The following CTIF variants were observed in gnomAD, a reference collection of about 807,000 sequenced individuals.
CTIF encodes cap binding complex dependent translation initiation factor.
A neutral mutation model predicts 66.0 loss-of-function variants in CTIF; 21 were observed. The ratio of observed to expected loss-of-function variants is 0.32; its 90% confidence interval spans 0.23 to 0.46. The LOEUF (loss-of-function observed/expected upper bound fraction) is 0.46. Among genes scored for constraint, CTIF ranks in the 20% least tolerant of loss-of-function variants. The probability of loss-of-function intolerance (pLI) is 1.00; values close to 1 mark genes in which losing one functional copy is unlikely to be tolerated. For synonymous variants in CTIF, 345 were observed against 326.4 expected (o/e 1.06, Z -0.62); for missense variants, 739 against 812.7 (o/e 0.91, Z 1.10).
intron 7 of CTIF, among the ~76,000 whole-genome samples, chr18:48,753,484 T>C (rs1238583872): frequency 1.3e-5 from 2 of 152,170 alleles, no homozygotes; most frequent in Non-Finnish European, 2.9e-5. Flanking sequence ...TTTTTGTCTT[T>C]TTGTATAAAA....
chr18:48,554,859 C>T (rs797012308), intron 1 of CTIF, among the ~76,000 whole-genome samples: 4 of 152,370 alleles, frequency 2.6e-5, no homozygotes, highest in African/African-American at 9.6e-5. Flanking sequence ...GCAGCCCAGG[C>T]CATTACTTGG....
At chr18:48,824,446 G>C (rs1188286236) in intron 10 of CTIF, among the ~76,000 whole-genome samples, 1 of 152,096 alleles carries the variant, frequency 6.6e-6, no homozygotes, top group East Asian at 1.9e-4. Context: ...CTTGTCTAGA[G>C]CCTTCATTCC....
intron 7 of CTIF, among the ~76,000 whole-genome samples, chr18:48,736,012 T>C (rs1346702834): frequency 6.6e-6 from 1 of 152,142 alleles, no homozygotes; most frequent in Non-Finnish European, 1.5e-5. Flanking sequence ...TGGGAATGGT[T>C]GCCACGAAGC....
At chr18:48,553,386 T>G (rs1286103153) in intron 1 of CTIF, among the ~76,000 whole-genome samples, 1 of 152,176 alleles carries the variant, frequency 6.6e-6, no homozygotes, top group Non-Finnish European at 1.5e-5. Flanking sequence ...AAGACCTCTG[T>G]GTCTTTCCCT....
chr18:48,795,415 GATGC>G (rs2067892992), intron 9 of CTIF, among the ~76,000 whole-genome samples: 1 of 152,214 alleles, frequency 6.6e-6, no homozygotes, highest in Admixed American at 6.5e-5. Context: ...GGCTACCACA[GATGC>G]AAGCCTGTAC....
chr18:48,847,559 G>A (rs575977943), intron 10 of CTIF, among the ~76,000 whole-genome samples: 2 of 152,248 alleles, frequency 1.3e-5, no homozygotes, highest in African/African-American at 4.8e-5. Flanking sequence ...TGTCATGAGG[G>A]TAAAAGGAAT....
At chr18:48,609,671 G>C (rs555017711) in intron 1 of CTIF, among the ~76,000 whole-genome samples, 2 of 152,218 alleles carry the variant, frequency 1.3e-5, no homozygotes, top group South Asian at 4.1e-4. Context: ...ACGAGTGGGG[G>C]CAGTGAGGAA....
At chr18:48,560,248 A>G (rs1427725488) in intron 1 of CTIF, among the ~76,000 whole-genome samples, 1 of 141,844 alleles carries the variant, frequency 7.1e-6, no homozygotes, top group East Asian at 2.0e-4. Context: ...TTTTTTTGAG[A>G]CAGAGTCTCG....
chr18:48,539,376 CCGGGAGGAGGGCTGCGTGACGTGGG>C (rs913507668), intron 1 of CTIF, 64 bp downstream of exon 1: 1 of 152,284 alleles, frequency 6.6e-6, no homozygotes, highest in African/African-American at 2.4e-5. Context: ...ATTCGGGGAC[CCGGGAGGAGGGCTGCGTGACGTGGG>C]CGTGCTTATA....
intron 1 of CTIF, among the ~76,000 whole-genome samples, chr18:48,551,796 C>A (rs1293977681): frequency 6.6e-6 from 1 of 151,426 alleles, no homozygotes; most frequent in Non-Finnish European, 1.5e-5. Context: ...TAATAACTTT[C>A]TTTTTCTTTT....
At chr18:48,668,991 CT>C (rs1235621637) in intron 5 of CTIF, among the ~76,000 whole-genome samples, 2 of 152,150 alleles carry the variant, frequency 1.3e-5, no homozygotes, top group Non-Finnish European at 2.9e-5. Flanking sequence ...GGTTAGCCCC[CT>C]GTTCTCTTCC....
At chr18:48,798,579 G>A (rs2067981185) in intron 9 of CTIF, among the ~76,000 whole-genome samples, 1 of 152,224 alleles carries the variant, frequency 6.6e-6, no homozygotes, top group Admixed American at 6.5e-5. Flanking sequence ...ATACCGGTGT[G>A]TGTCCTGTGC....
At chr18:48,741,053 G>A (rs1197600500) in intron 7 of CTIF, among the ~76,000 whole-genome samples, 1 of 152,238 alleles carries the variant, frequency 6.6e-6, no homozygotes, top group Non-Finnish European at 1.5e-5. Flanking sequence ...GAATTGTGGT[G>A]ATGATTGAAT....
intron 9 of CTIF, among the ~76,000 whole-genome samples, chr18:48,781,456 TCTG>T (rs1911209472): frequency 6.6e-6 from 1 of 152,022 alleles, no homozygotes; most frequent in Non-Finnish European, 1.5e-5. Flanking sequence ...CTGGAAGAAA[TCTG>T]CTGTTTGAGA....
At chr18:48,793,824 G>T (rs911499529) in intron 9 of CTIF, among the ~76,000 whole-genome samples, 7 of 152,270 alleles carry the variant, frequency 4.6e-5, no homozygotes, top group African/African-American at 1.4e-4. Flanking sequence ...ATTTCCCCAG[G>T]AAAGTGGGAA....
chr18:48,780,310 C>T (rs982870076), intron 9 of CTIF, among the ~76,000 whole-genome samples: 3 of 152,238 alleles, frequency 2.0e-5, no homozygotes, highest in African/African-American at 7.2e-5. Context: ...TTCCTCAGCA[C>T]ACAGCCCAGA....
chr18:48,805,689 G>T (rs2068132348), intron 9 of CTIF, among the ~76,000 whole-genome samples: 1 of 152,244 alleles, frequency 6.6e-6, no homozygotes, highest in African/African-American at 2.4e-5. Flanking sequence ...TGGCCTTGGA[G>T]CAGGGACTGG....
At chr18:48,691,085 G>A (rs964451530) in intron 6 of CTIF, among the ~76,000 whole-genome samples, 5 of 152,140 alleles carry the variant, frequency 3.3e-5, no homozygotes, top group African/African-American at 4.8e-5. Flanking sequence ...AAAGGGAATC[G>A]GGTGAAGGAA....
intron 7 of CTIF, among the ~76,000 whole-genome samples, chr18:48,743,097 A>G (rs534852655): frequency 6.6e-6 from 1 of 152,396 alleles, no homozygotes; most frequent in South Asian, 2.1e-4. Context: ...GTTCATGAGG[A>G]ACACGTAAGT....
Sources: allele counts gnomAD v4.1 joint callset (sites outside exome capture counted in the v4.1 genomes callset), GRCh38; gene constraint gnomAD v4.1.1; transcripts MANE v1.5; gene names NCBI Gene and HGNC (gene_info 2026-07-23, HGNC 2026-07-21).